The following PKHD1 variants were observed in gnomAD, a reference collection of about 807,000 sequenced individuals.
The protein encoded by PKHD1 is fibrocystin.
PKHD1 carries 291 observed loss-of-function variants against 412.0 expected under a neutral mutation model. The ratio of observed to expected loss-of-function variants is 0.71; its 90% CI spans 0.64 to 0.78. PKHD1 has a LOEUF of 0.78. Among genes scored for constraint, PKHD1 ranks in the 30% least tolerant of loss-of-function variants. The probability of loss-of-function intolerance (pLI) is 0.00; values close to 1 mark genes in which losing one functional copy is unlikely to be tolerated. For synonymous variants in PKHD1, 1,777 were observed against 1,821.5 expected, an observed-to-expected ratio of 0.98 and a Z score of 0.62; for missense variants, 4,825 against 4,950.7, an observed-to-expected ratio of 0.97 and a Z score of 0.76.
intron 60 of PKHD1, among the ~76,000 whole-genome samples, chr6:51,703,107 A>G (rs1280445414): frequency 6.6e-6 from 1 of 152,030 alleles, no homozygotes; most frequent in African/African-American, 2.4e-5. Flanking sequence ...AAACATTTAT[A>G]GAAAGTGCTA....
intron 64 of PKHD1, among the ~76,000 whole-genome samples, chr6:51,637,530 A>T (rs2150322390): frequency 6.6e-6 from 1 of 152,272 alleles, no homozygotes; most frequent in East Asian, 1.9e-4. Flanking sequence ...ACTGGTTTAA[A>T]TAGCATTTAA....
At chr6:52,084,290 T>G in intron 2 of PKHD1, among the ~76,000 whole-genome samples, 1 of 152,256 alleles carries the variant, frequency 6.6e-6, no homozygotes, top group African/African-American at 2.4e-5. Flanking sequence ...CCACGTCACA[T>G]TAGCACAACC....
intron 60 of PKHD1, among the ~76,000 whole-genome samples, chr6:51,706,139 G>A (rs776659412): frequency 2.6e-5 from 4 of 152,032 alleles, no homozygotes; most frequent in Non-Finnish European, 5.9e-5. Context: ...ATGATTACTA[G>A]GTGACTTTCC....
intron 60 of PKHD1, among the ~76,000 whole-genome samples, chr6:51,667,497 C>G (rs1225073756): frequency 1.3e-5 from 2 of 149,800 alleles, no homozygotes; most frequent in African/African-American, 4.9e-5. Flanking sequence ...TTGTAGGTTG[C>G]CTGTTCACTC....
intron 60 of PKHD1, among the ~76,000 whole-genome samples, chr6:51,726,057 A>T (rs572500700): frequency 6.6e-6 from 1 of 152,352 alleles, no homozygotes; most frequent in East Asian, 1.9e-4. Flanking sequence ...TAATTGCTGC[A>T]AAATGCAGTG....
chr6:51,982,180 G>GT (rs1795463261), intron 35 of PKHD1, among the ~76,000 whole-genome samples: 3 of 43,314 alleles, frequency 6.9e-5, no homozygotes, highest in African/African-American at 1.5e-4. Flanking sequence ...CGTCCGGGAG[G>GT]GAGGTGGGGG....
chr6:51,687,207 T>C (rs1777554898), intron 60 of PKHD1, among the ~76,000 whole-genome samples: 1 of 152,018 alleles, frequency 6.6e-6, no homozygotes, highest in Non-Finnish European at 1.5e-5. Context: ...GCATATGAAT[T>C]AAATCAGATT....
chr6:51,746,736 G>A lies in PKHD1; in HGVS notation c.9983C>T (p.Pro3328Leu). 6.2e-7 allele frequency: 1 copy of A among 1,606,304 alleles called. No homozygotes were observed. Among genetic ancestry groups the A allele is most frequent in the Non-Finnish European group, 8.5e-7 (1 of 1,173,166 alleles). The change falls in exon 59 of 67, where the codon CCT (proline) becomes CTT (leucine). Residue 3328 changes from proline (P) to leucine (L), a missense_variant. By Grantham distance (98) the Pro-to-Leu change is moderately conservative (BLOSUM62 -3). Coordinates refer to ENST00000371117, the MANE Select transcript of PKHD1 (RefSeq NM_138694.4). ...KIKDKNKFYF[P>L]SLQPRKDLGK... is the part of the protein sequence containing the mutation. ...AAAATTATACCTGGGTTGTAATGAAGGAAAGTAGAACTTGTTTTTATCTTT... is the reference window on the plus strand; with the variant it reads ...AAAATTATACCTGGGTTGTAATGAAAGAAAGTAGAACTTGTTTTTATCTTT...
chr6:51,648,539 A>T (rs1172359388), intron 62 of PKHD1, among the ~76,000 whole-genome samples: 4 of 152,204 alleles, frequency 2.6e-5, no homozygotes, highest in Non-Finnish European at 5.9e-5. Flanking sequence ...CAGGGGATGC[A>T]TTTATAAACA....
intron 63 of PKHD1, among the ~76,000 whole-genome samples, chr6:51,645,306 T>G (rs1442323427): frequency 6.6e-6 from 1 of 152,172 alleles, no homozygotes; most frequent in African/African-American, 2.4e-5. Flanking sequence ...TTAAAACAAA[T>G]AACCTTTATT....
chr6:51,622,121 G>A (rs1766699024), intron 66 of PKHD1, among the ~76,000 whole-genome samples: 4 of 152,184 alleles, frequency 2.6e-5, no homozygotes, highest in Admixed American at 2.0e-4. Context: ...ATGGAAAGGA[G>A]GACTCACTGG....
intron 51 of PKHD1, among the ~76,000 whole-genome samples, chr6:51,831,877 G>T (rs9474100): frequency 0.6 from 91,634 of 151,878 alleles, 28,697 homozygotes; most frequent in Middle Eastern, 0.76. Flanking sequence ...CTGTCCAATA[G>T]CACATCACGC....
intron 5 of PKHD1, among the ~76,000 whole-genome samples, chr6:52,078,688 T>C (rs907869107): frequency 2.0e-5 from 3 of 152,102 alleles, no homozygotes; most frequent in Admixed American, 6.6e-5. Flanking sequence ...TTCTCTTATT[T>C]CCCCCTCTCG....
chr6:51,619,065 C>T lies in PKHD1; in HGVS notation c.*16G>A. 6.2e-7 allele frequency: 1 copy of T among 1,611,574 alleles called. No homozygotes were observed. The highest frequency in any genetic ancestry group is 8.5e-7 in the Non-Finnish European group (1 of 1,177,778). ...AACATTCTGCCTTTCAGGCCAAATG[C>T]CCCCAACTTCCCTGATCACAGTTGC... is the stretch of plus-strand genomic sequence containing the variant. On this transcript the variant is annotated 3_prime_UTR_variant, in exon 67 of 67. Coordinates refer to ENST00000371117, the MANE Select transcript of PKHD1 (RefSeq NM_138694.4).
At chr6:51,765,517 C>T (rs1788844596) in intron 55 of PKHD1, among the ~76,000 whole-genome samples, 1 of 152,064 alleles carries the variant, frequency 6.6e-6, no homozygotes, top group Admixed American at 6.6e-5. Context: ...CCTACCCCCA[C>T]CCTAGGCCAG....
chr6:51,620,188 C>T (rs1482924690), intron 66 of PKHD1, among the ~76,000 whole-genome samples: 2 of 152,136 alleles, frequency 1.3e-5, no homozygotes, highest in African/African-American at 4.8e-5. Flanking sequence ...TTCTCAGGTG[C>T]TACTTCAAAA....
intron 52 of PKHD1, among the ~76,000 whole-genome samples, chr6:51,812,288 A>G (rs1435451185): frequency 1.3e-5 from 2 of 152,220 alleles, no homozygotes; most frequent in African/African-American, 2.4e-5. Flanking sequence ...ACTTTTATGC[A>G]TGCTAAAGTT....
At chr6:51,918,558 T>G (rs189210151) in intron 37 of PKHD1, among the ~76,000 whole-genome samples, 1 of 152,204 alleles carries the variant, frequency 6.6e-6, no homozygotes, top group Non-Finnish European at 1.5e-5. Flanking sequence ...TATTCCACAG[T>G]ATAGATGTGC....
chr6:51,834,887 C>G (rs1038151680), intron 51 of PKHD1, among the ~76,000 whole-genome samples: 1 of 152,134 alleles, frequency 6.6e-6, no homozygotes, highest in Non-Finnish European at 1.5e-5. Flanking sequence ...TTGTATAGCA[C>G]AAGGAACACT....
Sources: allele counts gnomAD v4.1 joint callset (sites outside exome capture counted in the v4.1 genomes callset), GRCh38; gene constraint gnomAD v4.1.1; transcripts MANE v1.5; gene names NCBI Gene and HGNC (gene_info 2026-07-23, HGNC 2026-07-21).